The following GNAS variants were observed in gnomAD, a reference collection of about 807,000 sequenced individuals.
GNAS encodes the protein GNAS complex locus.
A neutral mutation model predicts 54.5 loss-of-function variants in GNAS; 8 were observed. The observed-to-expected ratio is 0.15, with a 90% CI of 0.09 to 0.26. The LOEUF is 0.26. Ranked by LOEUF, GNAS falls within the 10% of genes least tolerant of loss-of-function variation. GNAS has a pLI of 1.00. For missense variants in GNAS, 170 were observed against 529.8 expected (o/e 0.32, Z 6.67); for synonymous variants, 204 against 191.4 (o/e 1.07, Z -0.54).
rs764873922 is a variant in GNAS at position 58,910,805 on chromosome 20, C to T, written c.1161C>T (p.His387=). Residue 387 remains histidine (H), a synonymous_variant, in exon 13 of 13, where the codon CAC becomes CAT. Transcript: ENST00000371085. The surrounding 1 kb of genome is among the most constrained non-coding windows in gnomAD (Gnocchi z 5.8). ...NDCRDIIQRM[H]LRQYELL ...GCCGTGACATCATTCAGCGCATGCA[C>T]CTTCGTCAGTACGAGCTGCTCTAAG... The T allele has an allele frequency of 7.4e-6, 12 of 1,614,044 alleles. No individual in the cohort carries two copies. In the Admixed American group the frequency reaches 8.3e-5, roughly 11 times the overall value.
intron 3 of GNAS, chr20:58,903,321 C>T (rs2090798048): frequency 7.7e-6 from 5 of 651,350 alleles, no homozygotes; most frequent in South Asian, 1.7e-5. Flanking sequence ...TGCTAATCTG[C>T]CCCGATTGGG....
intron 3 of GNAS, chr20:58,900,425 G>A (rs1218926238): frequency 2.5e-5 from 5 of 201,518 alleles, no homozygotes; most frequent in Non-Finnish European, 4.1e-5. Flanking sequence ...TGTATCTCGC[G>A]TCTGTCTTCT....
At chr20:58,892,062 C>CGGGGCGG in intron 1 of GNAS, 197 bp downstream of exon 1, 4 of 899,752 alleles carry the variant, frequency 4.4e-6, no homozygotes, top group Non-Finnish European at 5.3e-6. Context: ...GGCTCAAAAA[C>CGGGGCGG]GGGGCGGGGG....
rs538389866 is a variant in GNAS, at chr20:58,903,480, C to G, written c.258-51C>G. On this transcript the variant is annotated intron_variant, in intron 3 of 12. Coordinates refer to ENST00000371085, the MANE Select transcript of GNAS (RefSeq NM_000516.7). ...GGATGTCTTTATGAAAGCAGTACTC[C>G]TAACTGACATGGTGCAATATGATTT... The G allele has an allele frequency of 3.4e-6, 5 of 1,453,242 alleles. No homozygotes were observed. The South Asian group carries it at 4.6e-5, about 13-fold the overall frequency. The allele number at this position is 1,453,242 out of a possible 1,614,324, so 90.0% of individuals were successfully genotyped here.
At chr20:58,904,922 C>T (rs1477278516) in intron 5 of GNAS, among the ~76,000 whole-genome samples, 34 of 152,142 alleles carry the variant, frequency 2.2e-4, no homozygotes, top group Admixed American at 2.2e-3. Context: ...ATGTTCCTAC[C>T]TACAAGTCCC....
At chr20:58,906,605 C>T (rs778496967) in intron 6 of GNAS, among the ~76,000 whole-genome samples, 6 of 152,204 alleles carry the variant, frequency 3.9e-5, no homozygotes, top group Non-Finnish European at 8.8e-5. Flanking sequence ...GACCTTGGCT[C>T]ACTGCAACCT....
Position 58,873,470 on chromosome 20 carries a change from T to C in GNAS, c.44-22142T>C, listed in dbSNP as rs1043150443. 6.6e-6 allele frequency among the ~76,000 whole-genome samples: 1 copy of C among 152,248 alleles called. No homozygotes were observed. Among genetic ancestry groups the C allele is most frequent in the African/African-American group, 2.4e-5 (1 of 41,464 alleles). On this transcript the variant is annotated intron_variant, in intron 1 of 12. Transcript: ENST00000306090. The surrounding 1 kb of genome is among the most constrained non-coding windows in gnomAD (Gnocchi z 4.3). ...GGTTATGTCCAACTTGGCAAAAGCA[T>C]GGAATCCTGCCCAGTCCTTGGTACA...
Position 58,897,733 on chromosome 20 carries a change from A to T in GNAS, c.213-1208A>T, listed in dbSNP as rs2090199013. On this transcript the variant is annotated intron_variant, in intron 2 of 12. Transcript: ENST00000371085. ...TGCAGACAAGGGCACAGATACGTTA[A>T]ATTTAGCCTGTGAGAGGGTTTACAG... 4.6e-5 allele frequency: 7 copies of T among 152,204 alleles called. No homozygotes were observed. In the South Asian group the frequency reaches 1.5e-3, roughly 32 times the overall value. The allele number at this position is 152,204 out of a possible 1,614,324, so 9.4% of individuals were successfully genotyped here. A position where few individuals can be genotyped will look rare whatever the true frequency, so the allele number is the denominator to read the frequency against.
At chr20:58,898,697 C>A in intron 2 of GNAS, 1 of 596,716 alleles carries the variant, frequency 1.7e-6, no homozygotes, top group Non-Finnish European at 3.0e-6. Context: ...CCAGAGTCTC[C>A]AGAGAGCTCT....
At position 58,881,831 on chromosome 20, in the gene GNAS, C is replaced by T. The variant is rs531974702; in HGVS notation, c.44-13781C>T. ...AAAAATAGATGTAATTAGCATGTTG[C>T]AGATCAGACTCTGCACTTGTAGCTT... On this transcript the variant is annotated intron_variant, in intron 1 of 12. Coordinates refer to the GNAS transcript ENST00000306090. 33 of 152,296 alleles carry T rather than the reference C, an allele frequency of 2.2e-4. 1 individual carries two copies. The highest frequency in any genetic ancestry group is 1.9e-3 in the Admixed American group (29 of 15,298). 9.4% of individuals were successfully genotyped at this position (152,296 alleles called of 1,614,324 possible). A position where few individuals can be genotyped will look rare whatever the true frequency, so the allele number is the denominator to read the frequency against.
At chr20:58,875,715 G>T (rs1195362119) in intron 1 of GNAS, among the ~76,000 whole-genome samples, 2 of 152,206 alleles carry the variant, frequency 1.3e-5, no homozygotes, top group Non-Finnish European at 2.9e-5. Context: ...TGGCAGTCAG[G>T]TTCAGATCGT....
At chr20:58,890,690 C>T (rs1477339306), upstream of GNAS, 1 of 151,826 alleles carries the variant, frequency 6.6e-6, no homozygotes, top group Non-Finnish European at 1.5e-5. Flanking sequence ...GCGCCTTCGG[C>T]TCGGGCCATG....
rs1022699216 is a variant in GNAS, at chr20:58,857,957, T to C, written c.43+17071T>C. 6.6e-6 allele frequency among the ~76,000 whole-genome samples: 1 copy of C among 152,190 alleles called. No individual in the cohort carries two copies. Among genetic ancestry groups the C allele is most frequent in the Non-Finnish European group, 1.5e-5 (1 of 68,028 alleles). The stretch of plus-strand genomic sequence containing the variant: ...AGGTGGGCTGGCAAACCATGGGCCA[T>C]GTCTAACATAAGCCTGAAATATGAT... On this transcript the variant is annotated intron_variant, in intron 1 of 12. Coordinates refer to the GNAS transcript ENST00000306090. The surrounding 1 kb of genome is among the most constrained non-coding windows in gnomAD (Gnocchi z 4.1).
rs539765804 is a variant in GNAS, at chr20:58,845,774, T to C, written c.43+4888T>C. Among the ~76,000 whole-genome samples, 49 of 152,116 alleles carry C rather than the reference T, an allele frequency of 3.2e-4. No individual in the cohort carries two copies. The South Asian group carries it at 9.1e-3, about 28-fold the overall frequency. ...AATTCACAGGGCAGAGAAGCCAGAA[T>C]AAACAGCCTAGTGACTTAGTTCTCC... On this transcript the variant is annotated intron_variant, in intron 1 of 12. Coordinates refer to the GNAS transcript ENST00000306090.
intron 1 of GNAS, chr20:58,854,258 G>T (rs1203182324): frequency 6.2e-7 from 1 of 1,612,952 alleles, no homozygotes; most frequent in African/African-American, 1.3e-5. Context: ...CCCCAATCGC[G>T]CTTGACGGCC....
Position 58,910,669 on chromosome 20 carries a change from G to A in GNAS, c.1039-14G>A. 5 of 1,614,106 alleles carry A rather than the reference G, an allele frequency of 3.1e-6. No homozygotes were observed. The highest frequency in any genetic ancestry group is 4.2e-6 in the Non-Finnish European group (5 of 1,180,004). On this transcript the variant is annotated splice_polypyrimidine_tract_variant and intron_variant, in intron 12 of 12. Transcript: ENST00000371085. The surrounding 1 kb of genome is among the most constrained non-coding windows in gnomAD (Gnocchi z 5.8). ...GAGGGTGTCACTGACAAGTCCCCTTGTTTGTGCCCGCAGAGGATCAGCACT... is the reference window on the plus strand; with the variant it reads ...GAGGGTGTCACTGACAAGTCCCCTTATTTGTGCCCGCAGAGGATCAGCACT...
intron 2 of GNAS, chr20:58,897,990 T>C (rs1014720698): frequency 1.3e-5 from 2 of 152,228 alleles, no homozygotes; most frequent in Non-Finnish European, 2.9e-5. Flanking sequence ...GCCTTAACTC[T>C]CTGCGGGCTG....
chr20:58,855,272 C>G, intron 1 of GNAS: 1 of 1,586,452 alleles, frequency 6.3e-7, no homozygotes, highest in Non-Finnish European at 8.6e-7. Flanking sequence ...GTAAGCTCAT[C>G]GACAAACAAC....
upstream of GNAS, chr20:58,839,977 G>A (rs2085656693): frequency 1.0e-6 from 1 of 967,952 alleles, no homozygotes; most frequent in Non-Finnish European, 1.6e-6. Flanking sequence ...AAGGAGGTGA[G>A]GCTGGGACCT....
Sources: allele counts gnomAD v4.1 joint callset (sites outside exome capture counted in the v4.1 genomes callset), GRCh38; gene constraint gnomAD v4.1.1; non-coding constraint Gnocchi (gnomAD v3.1); transcripts MANE v1.5; gene names NCBI Gene and HGNC (gene_info 2026-07-23, HGNC 2026-07-21).